GBE1: variants seen among roughly 807,000 people sequenced by gnomAD.
GBE1 encodes 1,4-alpha-glucan branching enzyme 1.
A neutral mutation model predicts 88.8 loss-of-function variants in GBE1; 70 were observed. The ratio of observed to expected loss-of-function variants is 0.79; its 90% CI spans 0.65 to 0.96. GBE1 has a LOEUF of 0.96. Among genes scored for constraint, GBE1 ranks in the 40% least tolerant of loss-of-function variants. GBE1 has a pLI of 0.00. For missense variants in GBE1, 872 were observed against 871.0 expected (o/e 1.00, Z -0.01); for synonymous variants, 284 against 300.1 (o/e 0.95, Z 0.56).
chr3:81,628,308 T>G (rs9852545), intron 7 of GBE1, among the ~76,000 whole-genome samples: 98,829 of 151,870 alleles, frequency 0.65, 33,802 homozygotes, highest in East Asian at 0.94. Context: ...CAACAAAAAG[T>G]TACTGAATTC....
At chr3:81,519,590 G>T (rs900893533) in intron 14 of GBE1, among the ~76,000 whole-genome samples, 26 of 150,630 alleles carry the variant, frequency 1.7e-4, no homozygotes, top group South Asian at 6.3e-4. Context: ...GCTGGGGGGG[G>T]TTAAAATTTC....
intron 1 of GBE1, among the ~76,000 whole-genome samples, chr3:81,744,782 A>T (rs1706399700): frequency 6.6e-6 from 1 of 152,232 alleles, no homozygotes; most frequent in Non-Finnish European, 1.5e-5. Flanking sequence ...AAAGCTGTAT[A>T]AAAGTTCAAA....
intron 12 of GBE1, among the ~76,000 whole-genome samples, chr3:81,572,178 C>T (rs1703585472): frequency 6.6e-6 from 1 of 152,150 alleles, no homozygotes; most frequent in African/African-American, 2.4e-5. Flanking sequence ...CCTTGCTTCC[C>T]CTTCACCTTC....
intron 3 of GBE1, among the ~76,000 whole-genome samples, chr3:81,660,522 T>C (rs1705011352): frequency 6.6e-6 from 1 of 152,104 alleles, no homozygotes; most frequent in Admixed American, 6.6e-5. Flanking sequence ...GTCTGGGAAT[T>C]ACTCACCTGA....
In GBE1 at chr3:81,737,377, T is replaced by TTATATAAATATA. The variant is rs1257953186; in HGVS notation, c.143+23997_143+23998insTATATTTATATA. Among the ~76,000 whole-genome samples, 8 of 30,612 alleles carry TTATATAAATATA rather than the reference T, an allele frequency of 2.6e-4. No individual in the cohort carries two copies. The East Asian group carries it at 0.012, about 47-fold the overall frequency. The allele number at this position is 30,612 out of a possible 152,430, so 20.1% of individuals were successfully genotyped here. A position where few individuals can be genotyped will look rare whatever the true frequency, so the allele number is the denominator to read the frequency against. On this transcript the variant is annotated intron_variant, in intron 1 of 15. Coordinates refer to ENST00000429644, the MANE Select transcript of GBE1 (RefSeq NM_000158.4). ...TATATATTTATATATTTATATATAT[T>TTATATAAATATA]TTTATATATATTTATATAAATATAT...
At chr3:81,509,666 G>T (rs1702700013) in intron 14 of GBE1, 3 of 151,402 alleles carry the variant, frequency 2.0e-5, no homozygotes, top group Non-Finnish European at 4.4e-5. Flanking sequence ...CTCCTCCTTG[G>T]GTTTTAATTT....
intron 1 of GBE1, among the ~76,000 whole-genome samples, chr3:81,717,637 T>G (rs1009448932): frequency 3.9e-5 from 6 of 152,128 alleles, no homozygotes; most frequent in African/African-American, 1.4e-4. Flanking sequence ...TCTAAGATAC[T>G]AGCAATGTGA....
Position 81,522,067 on chromosome 3 carries a change from T to C in GBE1, c.1934+13128A>G, listed in dbSNP as rs569647799. 1.4e-4 allele frequency among the ~76,000 whole-genome samples: 21 copies of C among 151,500 alleles called. No individual in the cohort carries two copies. In the South Asian group the frequency reaches 4.2e-3, roughly 30 times the overall value. Reference sequence around the variant, plus strand: ...AGGAATGTGAACAATGCTGGGTGCATTTTAATAAGGGAGATGCAATGGTAA... The same window carrying C: ...AGGAATGTGAACAATGCTGGGTGCACTTTAATAAGGGAGATGCAATGGTAA... On this transcript the variant is annotated intron_variant, in intron 14 of 15. Transcript: ENST00000429644.
Position 81,650,037 on chromosome 3 carries a change from C to T in GBE1, c.430-116G>A. On this transcript the variant is annotated intron_variant, in intron 3 of 15. Coordinates refer to ENST00000429644, the MANE Select transcript of GBE1 (RefSeq NM_000158.4). ...GGAGGACTGATCTTAAGAATCTAGA[C>T]CACCATACAGATGTGTGACCTTCAG... The T allele has an allele frequency of 1.3e-5, 10 of 754,704 alleles. No individual in the cohort carries two copies. The South Asian group carries it at 1.7e-4, about 13-fold the overall frequency. 46.8% of individuals were successfully genotyped at this position (754,704 alleles called of 1,614,324 possible). A position where few individuals can be genotyped will look rare whatever the true frequency, so the allele number is the denominator to read the frequency against.
chr3:81,660,869 C>G (rs531379790), intron 3 of GBE1, among the ~76,000 whole-genome samples: 2 of 152,074 alleles, frequency 1.3e-5, no homozygotes, highest in Non-Finnish European at 2.9e-5. Flanking sequence ...ATAGTATGTA[C>G]TTTATCAGGA....
chr3:81,591,110 TCTTCATCTA>T lies in GBE1; in HGVS notation c.1154_1162del (p.Val385_Glu387del). 1 of 1,608,998 alleles carries T rather than the reference TCTTCATCTA, an allele frequency of 6.2e-7. No homozygotes were observed. Among genetic ancestry groups the T allele is most frequent in the Non-Finnish European group, 8.5e-7 (1 of 1,177,152 alleles). On this transcript the variant is annotated inframe_deletion, in exon 9 of 16. Transcript: ENST00000429644. ...TGCCAACATGAGGTAAGTCAAGGCATCTTCATCTACTTGTAGTCCGAAATATTCACTGTA... is the reference window on the plus strand; with the variant it reads ...TGCCAACATGAGGTAAGTCAAGGCATCTTGTAGTCCGAAATATTCACTGTA...
intron 12 of GBE1, among the ~76,000 whole-genome samples, chr3:81,543,797 T>G (rs1490352178): frequency 2.0e-5 from 3 of 152,150 alleles, no homozygotes; most frequent in Non-Finnish European, 1.5e-5. Context: ...ATAATTGATT[T>G]ATTTTAGCAT....
At chr3:81,579,548 T>C (rs974634196) in intron 11 of GBE1, among the ~76,000 whole-genome samples, 1 of 152,172 alleles carries the variant, frequency 6.6e-6, no homozygotes, top group African/African-American at 2.4e-5. Context: ...AATAAACATA[T>C]GCTGGGAATT....
intron 1 of GBE1, among the ~76,000 whole-genome samples, chr3:81,726,634 T>A (rs1261546538): frequency 6.6e-6 from 1 of 150,938 alleles, no homozygotes; most frequent in Admixed American, 6.6e-5. Context: ...CAGGCTAGAA[T>A]GCAGTGGCAC....
At position 81,604,535 on chromosome 3, in the gene GBE1, C is replaced by T. The variant is rs182267576; in HGVS notation, c.993-10512G>A. On this transcript the variant is annotated intron_variant, in intron 7 of 15. Coordinates refer to ENST00000429644, the MANE Select transcript of GBE1 (RefSeq NM_000158.4). The stretch of plus-strand genomic sequence containing the variant: ...CTCCTGGACTGAAGCAATCTGCCCA[C>T]CTCGGTCTCCCAAATTGCTGGGATT... 4.0e-3 allele frequency among the ~76,000 whole-genome samples: 611 copies of T among 152,028 alleles called. 1 individual carries two copies. The highest frequency in any genetic ancestry group is 6.9e-3 in the Non-Finnish European group (471 of 67,962).
At chr3:81,585,561 A>C (rs529914984) in intron 10 of GBE1, among the ~76,000 whole-genome samples, 1 of 152,330 alleles carries the variant, frequency 6.6e-6, no homozygotes, top group South Asian at 2.1e-4. Flanking sequence ...AAAGTTAATA[A>C]AATTTTATTG....
intron 3 of GBE1, among the ~76,000 whole-genome samples, chr3:81,655,678 A>G (rs1330996298): frequency 1.3e-5 from 2 of 151,680 alleles, no homozygotes; most frequent in Non-Finnish European, 2.9e-5. Context: ...CACCACGCCC[A>G]GATACTTTCT....
At chr3:81,636,893 T>C (rs1704600062) in intron 7 of GBE1, among the ~76,000 whole-genome samples, 1 of 152,132 alleles carries the variant, frequency 6.6e-6, no homozygotes, top group African/African-American at 2.4e-5. Context: ...GCTATATTAC[T>C]TCAATTATAA....
intron 1 of GBE1, among the ~76,000 whole-genome samples, chr3:81,707,821 T>C (rs1705800166): frequency 6.6e-6 from 1 of 152,056 alleles, no homozygotes; most frequent in Non-Finnish European, 1.5e-5. Context: ...TGTTTAAAGT[T>C]AACAGACATT....
Sources: gnomAD v4.1 joint callset for allele counts (sites outside exome capture counted in the v4.1 genomes callset) on GRCh38, gnomAD v4.1.1 for gene constraint, MANE v1.5 for transcripts, NCBI Gene and HGNC (gene_info 2026-07-23, HGNC 2026-07-21) for gene names.